ACAP3: variants seen among roughly 807,000 people sequenced by gnomAD.
The protein encoded by ACAP3 is ArfGAP with coiled-coil, ankyrin repeat and PH domains 3, also known as arf-GAP with coiled-coil, ANK repeat and PH domain-containing protein 3.
In ACAP3, 56 loss-of-function variants were observed where a neutral mutation model predicts 104.1. The observed-to-expected ratio is 0.54, with a 90% CI of 0.43 to 0.67. The LOEUF (loss-of-function observed/expected upper bound fraction) is 0.67. Among genes scored for constraint, ACAP3 ranks in the 30% least tolerant of loss-of-function variants. ACAP3 has a pLI of 0.00. For missense variants in ACAP3, 1,208 were observed against 1,174.9 expected, an observed-to-expected ratio of 1.03 and a Z score of -0.41; for synonymous variants, 628 against 496.2, an observed-to-expected ratio of 1.27 and a Z score of -3.53.
chr1:1,303,555 G>T lies in ACAP3; in HGVS notation c.106-274C>A. 1 of 556,200 alleles carries T rather than the reference G, an allele frequency of 1.8e-6. No individual in the cohort carries two copies. 34.5% of individuals were successfully genotyped at this position (556,200 alleles called of 1,614,324 possible). On this transcript the variant is annotated intron_variant, in intron 2 of 23. Coordinates refer to ENST00000354700, the MANE Select transcript of ACAP3 (RefSeq NM_030649.3). This position sits in a 1 kb window ranked among gnomAD's most constrained non-coding sequence, Gnocchi z 4.0. ...AGGGCCAGCAGGACCAGCAGAACCA[G>T]CCCATGTGGGGCTCATGGATAAGGC...
At chr1:1,306,121 A>G (rs1450377062) in intron 1 of ACAP3, among the ~76,000 whole-genome samples, 1 of 152,130 alleles carries the variant, frequency 6.6e-6, no homozygotes, top group African/African-American at 2.4e-5. Context: ...CATGCCCCAC[A>G]GGGGTGAGGC....
Position 1,294,156 on chromosome 1 carries a change from T to G in ACAP3, c.2183A>C (p.Asp728Ala), listed in dbSNP as rs1304656165. The G allele has an allele frequency of 6.3e-7, 1 of 1,597,100 alleles. No individual in the cohort carries two copies. Among genetic ancestry groups the G allele is most frequent in the African/African-American group, 1.3e-5 (1 of 74,688 alleles). ...VCEFLLQNGA[D>A]VNQRDSRGRA... Reference sequence around the variant, plus strand: ...GCCCCGGCTGTCTCTTTGGTTCACGTCCGCTCCGTTTTGCAGCAGGAACTC... The same window carrying G: ...GCCCCGGCTGTCTCTTTGGTTCACGGCCGCTCCGTTTTGCAGCAGGAACTC... The change falls in exon 22 of 24, where the codon GAC becomes GCC. Residue 728 changes from aspartate (D) to alanine (A), a missense_variant. By Grantham distance (126) the Asp-to-Ala change is moderately radical (BLOSUM62 -2). Coordinates refer to ENST00000354700, the MANE Select transcript of ACAP3 (RefSeq NM_030649.3).
rs1041096046 is a variant in ACAP3 at position 1,306,925 on chromosome 1, G to A, written c.47+844C>T. Reference sequence around the variant, plus strand: ...TGCACTCATCGGCAGGCTACATGCAGAAGCAAGCACAGCCCCGTGGCACAG... The same window carrying A: ...TGCACTCATCGGCAGGCTACATGCAAAAGCAAGCACAGCCCCGTGGCACAG... On this transcript the variant is annotated intron_variant, in intron 1 of 23. Transcript: ENST00000354700. 39 of 373,282 alleles carry A rather than the reference G, an allele frequency of 1.0e-4. 1 individual carries two copies. Among genetic ancestry groups the A allele is most frequent in the South Asian group, 7.2e-4 (37 of 51,162 alleles). The allele number at this position is 373,282 out of a possible 1,614,324, so 23.1% of individuals were successfully genotyped here.
At chr1:1,294,904 C>A in intron 19 of ACAP3, 88 bp from the exon 20 acceptor site, 1 of 1,330,976 alleles carries the variant, frequency 7.5e-7, no homozygotes, top group Non-Finnish European at 1.0e-6. Flanking sequence ...TCCACCCACC[C>A]TCCAGGGGCC....
At chr1:1,306,695 CAT>C (rs753316284) in intron 1 of ACAP3, among the ~76,000 whole-genome samples, 9 of 152,238 alleles carry the variant, frequency 5.9e-5, no homozygotes, top group Admixed American at 2.6e-4. Flanking sequence ...ATCAAGCACA[CAT>C]GTGCAAACAT....
chr1:1,305,246 G>A (rs1440293863), intron 1 of ACAP3: 1 of 152,584 alleles, frequency 6.6e-6, no homozygotes, highest in Non-Finnish European at 1.5e-5. Flanking sequence ...GTTCCCAAGG[G>A]GCTAAGAGGA....
chr1:1,294,011 G>T, intron 22 of ACAP3, 78 bp from the exon 23 acceptor site: 1 of 1,475,876 alleles, frequency 6.8e-7, no homozygotes, highest in Non-Finnish European at 9.0e-7. Context: ...TGGCCGGATA[G>T]GGCATGGCGG....
At position 1,295,735 on chromosome 1, in the gene ACAP3, C is replaced by T. The variant is rs1186590125; in HGVS notation, c.1705+1G>A. On this transcript the variant is annotated splice_donor_variant, in intron 18 of 23. Coordinates refer to ENST00000354700, the MANE Select transcript of ACAP3 (RefSeq NM_030649.3). LOFTEE classifies it high-confidence loss of function. ...AGCCCTGCCGGGGCATGGCCTCCCACCTGAGGACAGAGCGGCCACACAGGG... is the reference window on the plus strand; with the variant it reads ...AGCCCTGCCGGGGCATGGCCTCCCATCTGAGGACAGAGCGGCCACACAGGG... 1 of 1,600,362 alleles carries T rather than the reference C, an allele frequency of 6.2e-7. No homozygotes were observed. Among genetic ancestry groups the T allele is most frequent in the Non-Finnish European group, 8.5e-7 (1 of 1,175,384 alleles).
At chr1:1,297,413 A>G (rs1262914) in intron 14 of ACAP3, among the ~76,000 whole-genome samples, 1,038 of 12,270 alleles carry the variant, frequency 0.085, 168 homozygotes, top group Admixed American at 0.19. Flanking sequence ...GGCCATCCCC[A>G]GTGGCACGTG....
At chr1:1,300,483 C>T (rs754583379) in intron 6 of ACAP3, 26 bp downstream of exon 6, 7 of 1,587,460 alleles carry the variant, frequency 4.4e-6, no homozygotes, top group Admixed American at 1.8e-5. Flanking sequence ...CTGGTCCCCG[C>T]CCCCCAGCCC....
Position 1,299,824 on chromosome 1 carries a change from G to A in ACAP3, c.738+7C>T, listed in dbSNP as rs754884869. On this transcript the variant is annotated splice_region_variant and intron_variant, in intron 9 of 23. Transcript: ENST00000354700. Reference sequence around the variant, plus strand: ...TGGTGTGCAGGGAGCCGGCTGCGCGGCCTCACCCGCTGCTGGATGGCGGCG... The same window carrying A: ...TGGTGTGCAGGGAGCCGGCTGCGCGACCTCACCCGCTGCTGGATGGCGGCG... 2.6e-5 allele frequency: 40 copies of A among 1,543,386 alleles called. No individual in the cohort carries two copies. The South Asian group carries it at 4.6e-4, about 18-fold the overall frequency.
At chr1:1,294,880 G>T in intron 19 of ACAP3, 64 bp from the exon 20 acceptor site, 1 of 1,509,852 alleles carries the variant, frequency 6.6e-7, no homozygotes, top group Non-Finnish European at 9.0e-7. Flanking sequence ...AGAGCCCTGG[G>T]GCAAGGCTGG....
chr1:1,294,232 G>T, intron 21 of ACAP3, 33 bp from the exon 22 acceptor site: 1 of 1,549,846 alleles, frequency 6.5e-7, no homozygotes, highest in East Asian at 2.4e-5. Context: ...ACGGAGCCAC[G>T]GCACCGGCCC....
rs1641271908 is a variant in ACAP3, at chr1:1,298,042, C to T, written c.987G>A (p.Arg329=). ...TGGGTGACAGCACCTCGAAGCAGAA[C>T]CTCCGCTCGATGTCCTCACACGGCT... ...SVKPCEDIER[R]FCFEVLSPTK... The change falls in exon 13 of 24, where the codon AGG becomes AGA. Residue 329 remains arginine, a synonymous_variant. Coordinates refer to ENST00000354700, the MANE Select transcript of ACAP3 (RefSeq NM_030649.3). 3.1e-6 allele frequency: 5 copies of T among 1,611,704 alleles called. 1 individual carries two copies. The highest frequency in any genetic ancestry group is 2.7e-5 in the African/African-American group (2 of 74,874).
chr1:1,296,877 A>G (rs963781859), intron 14 of ACAP3, among the ~76,000 whole-genome samples: 1 of 151,756 alleles, frequency 6.6e-6, no homozygotes, highest in Non-Finnish European at 1.5e-5. Context: ...ACGCCCGCAC[A>G]CGCACGTACG....
rs200625393 is a variant in ACAP3 at position 1,298,432 on chromosome 1, G to T, written c.864-11C>A. Reference sequence around the variant, plus strand: ...ATGGAGAACCAGCGCCTAGGTGGGTGGGGGGATGTGGGGAGTCAGGCGGGG... The same window carrying T: ...ATGGAGAACCAGCGCCTAGGTGGGTTGGGGGATGTGGGGAGTCAGGCGGGG... On this transcript the variant is annotated splice_polypyrimidine_tract_variant and intron_variant, in intron 11 of 23. Transcript: ENST00000354700. 237 of 1,597,072 alleles carry T rather than the reference G, an allele frequency of 1.5e-4. No homozygotes were observed. In the Admixed American group the frequency reaches 1.6e-3, roughly 11 times the overall value.
chr1:1,299,761 C>G, intron 9 of ACAP3, 70 bp downstream of exon 9: 1 of 1,467,132 alleles, frequency 6.8e-7, no homozygotes, highest in Non-Finnish European at 9.2e-7. Context: ...GAGGGTGTGC[C>G]GGGCATGGGG....
rs1641538301 is a variant in ACAP3, at chr1:1,303,404, G to A, written c.106-123C>T. 2 of 1,365,666 alleles carry A rather than the reference G, an allele frequency of 1.5e-6. No homozygotes were observed. Among genetic ancestry groups the A allele is most frequent in the Non-Finnish European group, 1.9e-6 (2 of 1,026,274 alleles). The allele number at this position is 1,365,666 out of a possible 1,614,324, so 84.6% of individuals were successfully genotyped here. A position where few individuals can be genotyped will look rare whatever the true frequency, so the allele number is the denominator to read the frequency against. On this transcript the variant is annotated intron_variant, in intron 2 of 23. Coordinates refer to ENST00000354700, the MANE Select transcript of ACAP3 (RefSeq NM_030649.3). The surrounding 1 kb of genome is among the most constrained non-coding windows in gnomAD (Gnocchi z 4.0). ...GTTCCACTCAGGGCGTTGGCACTCA[G>A]GACTCAGTGCCCCGGTGCAGCTTCC...
chr1:1,293,695 G>A lies in ACAP3; in HGVS notation c.2374C>T (p.Arg792Cys), dbSNP rs1640946874. The A allele has an allele frequency of 7.2e-7, 1 of 1,391,966 alleles. No individual in the cohort carries two copies. Among genetic ancestry groups the A allele is most frequent in the Non-Finnish European group, 9.2e-7 (1 of 1,082,612 alleles). The allele number at this position is 1,391,966 out of a possible 1,614,324, so 86.2% of individuals were successfully genotyped here. The change falls in exon 24 of 24, where the codon CGC (arginine) becomes TGC (cysteine). Residue 792 changes from arginine to cysteine, a missense_variant. By Grantham distance (180) the Arg-to-Cys change is radical. Coordinates refer to ENST00000354700, the MANE Select transcript of ACAP3 (RefSeq NM_030649.3). ...GCCTCGCGCATTTCCTCCGCCATGC[G>A]CGCCAGACGGAGCCTACGGGGAGGC... ...ADIVTLLRLA[R>C]MAEEMREAEA... is the part of the protein sequence containing the mutation.
Sources: allele counts gnomAD v4.1 joint callset (sites outside exome capture counted in the v4.1 genomes callset), GRCh38; gene constraint gnomAD v4.1.1; non-coding constraint Gnocchi (gnomAD v3.1); transcripts MANE v1.5; gene names NCBI Gene and HGNC (gene_info 2026-07-23, HGNC 2026-07-21).